Variants in PRH1 observed in about 807,000 individuals in gnomAD.
PRH1 encodes proline rich protein HaeIII subfamily 1, also known as salivary acidic proline-rich phosphoprotein 1/2.
Under a neutral mutation model 7.9 loss-of-function variants are expected in PRH1, and 7 were observed. The ratio of observed to expected loss-of-function variants is 0.89; its 90% CI spans 0.50 to 1.67. The LOEUF (loss-of-function observed/expected upper bound fraction) is 1.67, where lower values mean the gene tolerates loss of function less well. Ranked by LOEUF, PRH1 falls within the 40% of genes most tolerant of loss-of-function variation. PRH1 has a pLI of 0.00. For missense variants in PRH1, 109 were observed against 223.6 expected (o/e 0.49, Z 3.27); for synonymous variants, 45 against 80.8 (o/e 0.56, Z 2.38).
intron 1 of PRH1, among the ~76,000 whole-genome samples, chr12:11,045,515 C>G (rs571900043): frequency 2.6e-5 from 4 of 152,148 alleles, no homozygotes; most frequent in African/African-American, 9.6e-5. Flanking sequence ...ATGCCTGTAT[C>G]AACACATCTC....
At chr12:10,986,648 C>A (rs755646307) in intron 1 of PRH1, 18 of 1,612,846 alleles carry the variant, frequency 1.1e-5, no homozygotes, top group Non-Finnish European at 1.5e-5. Context: ...AAGCTGGATT[C>A]AACACAGTTA....
At chr12:11,087,756 A>G (rs1486565601) in intron 1 of PRH1, among the ~76,000 whole-genome samples, 21 of 107,078 alleles carry the variant, frequency 2.0e-4, no homozygotes, top group East Asian at 4.7e-4. Flanking sequence ...CTCTACCAAA[A>G]CCAGATGGAT....
intron 1 of PRH1, among the ~76,000 whole-genome samples, chr12:11,019,738 CTTCTT>C (rs1397374023): frequency 6.6e-5 from 10 of 152,392 alleles, no homozygotes; most frequent in East Asian, 3.9e-4. Flanking sequence ...TTTATTTTTA[CTTCTT>C]TTGAGTTTAC....
chr12:10,948,861 C>T (rs1251170785), intron 2 of PRH1, among the ~76,000 whole-genome samples: 2 of 152,110 alleles, frequency 1.3e-5, no homozygotes, highest in Admixed American at 1.3e-4. Flanking sequence ...GTGTCTCTGG[C>T]TTCAAAGGGG....
intron 1 of PRH1, among the ~76,000 whole-genome samples, chr12:11,169,633 C>T (rs918785656): frequency 2.0e-5 from 3 of 146,556 alleles, no homozygotes; most frequent in Non-Finnish European, 4.6e-5. Context: ...AAATCCAGGA[C>T]GTAATGACTC....
intron 2 of PRH1, among the ~76,000 whole-genome samples, chr12:10,948,909 G>C (rs1950528635): frequency 6.6e-6 from 1 of 152,082 alleles, no homozygotes; most frequent in African/African-American, 2.4e-5. Context: ...TGAAGTTTTG[G>C]GGTGTAATCC....
chr12:10,986,084 C>T (rs10772397), intron 1 of PRH1: 958,974 of 1,613,658 alleles, frequency 0.59, 291,138 homozygotes, highest in East Asian at 0.75. Flanking sequence ...CCATGACAAC[C>T]GGGTCATTCC....
intron 1 of PRH1, among the ~76,000 whole-genome samples, chr12:11,024,169 T>C (rs1409954721): frequency 2.0e-5 from 3 of 152,270 alleles, no homozygotes; most frequent in Non-Finnish European, 4.4e-5. Context: ...AGTGGATTTT[T>C]CCCTTCAGTA....
At chr12:11,033,649 A>T (rs1345929209) in intron 1 of PRH1, among the ~76,000 whole-genome samples, 1 of 152,202 alleles carries the variant, frequency 6.6e-6, no homozygotes, top group Non-Finnish European at 1.5e-5. Context: ...GGGGTGGCAG[A>T]TAACATCATC....
intron 1 of PRH1, among the ~76,000 whole-genome samples, chr12:11,147,095 T>C (rs1211934981): frequency 6.6e-6 from 1 of 152,196 alleles, no homozygotes; most frequent in East Asian, 1.9e-4. Context: ...TTCACAAAAC[T>C]TTAATAAGAC....
chr12:10,939,551 G>GTTTTTTTTTTT (rs60186756), intron 2 of PRH1, among the ~76,000 whole-genome samples: 7 of 123,314 alleles, frequency 5.7e-5, no homozygotes, highest in Non-Finnish European at 8.6e-5. Context: ...TGGTTTGTGT[G>GTTTTTTTTTTT]TTTTTTTTTT....
chr12:11,004,416 G>A (rs1232976830), intron 1 of PRH1, among the ~76,000 whole-genome samples: 2 of 152,140 alleles, frequency 1.3e-5, no homozygotes, highest in East Asian at 1.9e-4. Context: ...TGAGGCAGGA[G>A]AATTGAGTGA....
intron 1 of PRH1, among the ~76,000 whole-genome samples, chr12:10,983,116 T>A (rs1040544570): frequency 6.6e-6 from 1 of 152,152 alleles, no homozygotes; most frequent in Non-Finnish European, 1.5e-5. Context: ...GCATGCATAG[T>A]GGGCATTATA....
intron 1 of PRH1, among the ~76,000 whole-genome samples, chr12:11,059,359 C>T (rs1018435677): frequency 2.6e-5 from 4 of 152,212 alleles, no homozygotes; most frequent in African/African-American, 9.6e-5. Context: ...TCAATTTCCA[C>T]ATATCCTTGC....
chr12:10,997,550 T>C (rs1363023679), intron 1 of PRH1: 1 of 1,614,098 alleles, frequency 6.2e-7, no homozygotes, highest in Non-Finnish European at 8.5e-7. Context: ...ATTGACGATC[T>C]TGAGCAAATA....
chr12:11,130,847 C>T (rs1312182637), intron 1 of PRH1, among the ~76,000 whole-genome samples: 1 of 152,178 alleles, frequency 6.6e-6, no homozygotes, highest in East Asian at 1.9e-4. Flanking sequence ...AAACCCTGTA[C>T]AACTGTGCAA....
chr12:10,994,088 T>C (rs1012324279), intron 1 of PRH1, among the ~76,000 whole-genome samples: 6 of 152,196 alleles, frequency 3.9e-5, no homozygotes, highest in South Asian at 2.1e-4. Context: ...TGAGCACATC[T>C]GAATGGCACA....
chr12:10,929,696 T>C (rs913884613), intron 2 of PRH1, among the ~76,000 whole-genome samples: 1 of 152,194 alleles, frequency 6.6e-6, no homozygotes, highest in African/African-American at 2.4e-5. Context: ...GTGGCCTTGC[T>C]GGACAGTGGA....
chr12:11,143,363 T>C (rs139923010), intron 1 of PRH1, among the ~76,000 whole-genome samples: 1 of 151,786 alleles, frequency 6.6e-6, no homozygotes, highest in South Asian at 2.1e-4. Context: ...ATACAATGGA[T>C]ACACACAAAA....
Sources: allele counts gnomAD v4.1 joint callset (sites outside exome capture counted in the v4.1 genomes callset), GRCh38; gene constraint gnomAD v4.1.1; transcripts MANE v1.5; gene names NCBI Gene and HGNC (gene_info 2026-07-23, HGNC 2026-07-21).